SIRT5: variants seen among roughly 807,000 people sequenced by gnomAD.
SIRT5 encodes NAD-dependent protein deacylase sirtuin-5, mitochondrial.
A neutral mutation model predicts 40.0 loss-of-function variants in SIRT5; 26 were observed. The ratio of observed to expected loss-of-function variants is 0.65; its 90% CI spans 0.48 to 0.90. The LOEUF (loss-of-function observed/expected upper bound fraction) is 0.90. SIRT5 is among the 40% of genes least tolerant of loss of function. SIRT5 has a pLI of 0.00. For synonymous variants in SIRT5, 146 were observed against 149.1 expected (o/e 0.98, Z 0.15); for missense variants, 401 against 402.4 (o/e 1.00, Z 0.03).
chr6:13,582,813 T>G (rs966917290), intron 2 of SIRT5, among the ~76,000 whole-genome samples: 2 of 152,204 alleles, frequency 1.3e-5, no homozygotes, highest in Non-Finnish European at 2.9e-5. Flanking sequence ...TGCCTTAAGA[T>G]CCACGAGTTT....
chr6:13,594,960 C>T (rs1412621286), intron 5 of SIRT5, among the ~76,000 whole-genome samples: 4 of 152,188 alleles, frequency 2.6e-5, no homozygotes, highest in Admixed American at 2.0e-4. Flanking sequence ...GTAAACATAT[C>T]CCACGCCATT....
In SIRT5 at chr6:13,614,402, A is replaced by AG. The variant is rs1313357309; in HGVS notation, c.*2538dup. On this transcript the variant is annotated 3_prime_UTR_variant, in exon 10 of 10. Transcript: ENST00000606117. ...CTGGGGGGCTGCGGCAGTAGAGGGAAGAGCACGGTCGGTACAAATGCATGG... is the reference window on the plus strand; with the variant it reads ...CTGGGGGGCTGCGGCAGTAGAGGGAAGGAGCACGGTCGGTACAAATGCATGG... 2 of 152,302 alleles carry AG rather than the reference A, an allele frequency of 1.3e-5. No homozygotes were observed. The highest frequency in any genetic ancestry group is 4.8e-5 in the African/African-American group (2 of 41,450). The allele number at this position is 152,302 out of a possible 1,614,324, so 9.4% of individuals were successfully genotyped here.
intron 1 of SIRT5, among the ~76,000 whole-genome samples, chr6:13,575,855 C>G (rs1025025863): frequency 6.6e-6 from 1 of 152,216 alleles, no homozygotes; most frequent in South Asian, 2.1e-4. Flanking sequence ...TACTCTGCTT[C>G]TATGAGTTCA....
chr6:13,583,241 T>A (rs1261273710), intron 2 of SIRT5, among the ~76,000 whole-genome samples: 1 of 150,424 alleles, frequency 6.6e-6, no homozygotes, highest in Non-Finnish European at 1.5e-5. Context: ...GACCGCAAGT[T>A]GAGAGACTAG....
At chr6:13,591,089 TTGTG>T (rs1363489608) in intron 4 of SIRT5, among the ~76,000 whole-genome samples, 1 of 151,304 alleles carries the variant, frequency 6.6e-6, no homozygotes, top group Non-Finnish European at 1.5e-5. Context: ...GTGTGTGCAG[TTGTG>T]TGTGTGTAGA....
intron 9 of SIRT5, among the ~76,000 whole-genome samples, chr6:13,606,021 CA>C (rs1291956951): frequency 2.0e-5 from 3 of 152,186 alleles, no homozygotes; most frequent in Non-Finnish European, 4.4e-5. Flanking sequence ...GTAAACAAAA[CA>C]AATATCTACC....
At position 13,584,279 on chromosome 6, in the gene SIRT5, G is replaced by A; in HGVS notation, c.115+54G>A. 3 of 1,266,194 alleles carry A rather than the reference G, an allele frequency of 2.4e-6. No individual in the cohort carries two copies. The South Asian group carries it at 3.6e-5, about 15-fold the overall frequency. 78.4% of individuals were successfully genotyped at this position (1,266,194 alleles called of 1,614,324 possible). A position where few individuals can be genotyped will look rare whatever the true frequency, so the allele number is the denominator to read the frequency against. Reference sequence around the variant, plus strand: ...GCAGCCAAATGTGAAGTACCTGAAAGTCCTACACTTCGAGAGGAATGTCTC... The same window carrying A: ...GCAGCCAAATGTGAAGTACCTGAAAATCCTACACTTCGAGAGGAATGTCTC... On this transcript the variant is annotated intron_variant, in intron 3 of 9. Transcript: ENST00000606117.
chr6:13,587,851 G>A (rs1196570009), intron 3 of SIRT5, among the ~76,000 whole-genome samples: 1 of 152,238 alleles, frequency 6.6e-6, no homozygotes, highest in Non-Finnish European at 1.5e-5. Flanking sequence ...GATCCCCAAA[G>A]GGAAGGTGAA....
At chr6:13,580,528 A>G (rs1759204879) in intron 2 of SIRT5, among the ~76,000 whole-genome samples, 1 of 152,170 alleles carries the variant, frequency 6.6e-6, no homozygotes, top group South Asian at 2.1e-4. Flanking sequence ...TGTCTTATAA[A>G]TGGTCTCAAA....
intron 7 of SIRT5, among the ~76,000 whole-genome samples, chr6:13,597,433 TAAAAA>T (rs60503838): frequency 9.8e-6 from 1 of 102,398 alleles, no homozygotes; most frequent in Non-Finnish European, 2.1e-5. Context: ...GTTCATAGAT[TAAAAA>T]AAAAAAAAAA....
rs1762039394 is a variant in SIRT5 at position 13,599,221 on chromosome 6, C to T, written c.741+66C>T. 4.6e-6 allele frequency: 7 copies of T among 1,521,470 alleles called. No homozygotes were observed. In the Admixed American group the frequency reaches 1.3e-4, roughly 28 times the overall value. The allele number at this position is 1,521,470 out of a possible 1,614,324, so 94.2% of individuals were successfully genotyped here. ...TTTGTTATTTTTTCCTTCCCCCTCTCCTCTTTTCCTTCCTCCCTCCCTTGC... is the reference window on the plus strand; with the variant it reads ...TTTGTTATTTTTTCCTTCCCCCTCTTCTCTTTTCCTTCCTCCCTCCCTTGC... On this transcript the variant is annotated intron_variant, in intron 8 of 9. Coordinates refer to ENST00000606117, the MANE Select transcript of SIRT5 (RefSeq NM_012241.5).
chr6:13,606,423 A>C (rs1437780625), intron 9 of SIRT5, among the ~76,000 whole-genome samples: 2 of 152,086 alleles, frequency 1.3e-5, no homozygotes, highest in Non-Finnish European at 2.9e-5. Flanking sequence ...TTGTGGTTAT[A>C]TAGTTACCTA....
At chr6:13,581,051 A>G (rs1171856637) in intron 2 of SIRT5, among the ~76,000 whole-genome samples, 1 of 152,188 alleles carries the variant, frequency 6.6e-6, no homozygotes, top group Non-Finnish European at 1.5e-5. Context: ...TTCTCATTAT[A>G]CCATTTACCC....
At chr6:13,577,745 A>G (rs1003289620) in intron 1 of SIRT5, among the ~76,000 whole-genome samples, 5 of 148,998 alleles carry the variant, frequency 3.4e-5, no homozygotes, top group African/African-American at 1.2e-4. Flanking sequence ...TATATTATAT[A>G]TAGATCTTAT....
chr6:13,582,832 C>T (rs370555451), intron 2 of SIRT5, among the ~76,000 whole-genome samples: 2 of 152,160 alleles, frequency 1.3e-5, no homozygotes, highest in Admixed American at 6.5e-5. Flanking sequence ...TTCTGTGACA[C>T]GATGTTATCT....
chr6:13,575,426 A>C (rs979237031), intron 1 of SIRT5, among the ~76,000 whole-genome samples: 1 of 152,032 alleles, frequency 6.6e-6, no homozygotes, highest in South Asian at 2.1e-4. Flanking sequence ...GGAGTGATGT[A>C]TTGCATTTAT....
chr6:13,587,526 C>T (rs144287910), intron 3 of SIRT5, among the ~76,000 whole-genome samples: 119 of 152,294 alleles, frequency 7.8e-4, no homozygotes, highest in African/African-American at 2.8e-3. Context: ...TTGTGATCCA[C>T]GTAAAGTGCT....
At chr6:13,596,258 CTAT>C (rs1761555985) in intron 6 of SIRT5, among the ~76,000 whole-genome samples, 1 of 152,008 alleles carries the variant, frequency 6.6e-6, no homozygotes, top group Non-Finnish European at 1.5e-5. Context: ...TGAACATGTA[CTAT>C]TATTACAATG....
intron 3 of SIRT5, among the ~76,000 whole-genome samples, chr6:13,587,867 G>T (rs759971176): frequency 2.7e-4 from 41 of 152,230 alleles, no homozygotes; most frequent in Non-Finnish European, 4.8e-4. Context: ...GTGAACTGGG[G>T]GAGGAAGGGT....
Sources: allele counts gnomAD v4.1 joint callset (sites outside exome capture counted in the v4.1 genomes callset), GRCh38; gene constraint gnomAD v4.1.1; transcripts MANE v1.5; gene names NCBI Gene and HGNC (gene_info 2026-07-23, HGNC 2026-07-21).